The following AMTN variants were observed in gnomAD, a reference collection of about 807,000 sequenced individuals.
AMTN encodes RSTI689.
A neutral mutation model predicts 27.4 loss-of-function variants in AMTN; 29 were observed. That is an observed-to-expected ratio of 1.06 (90% CI 0.79 to 1.44). The LOEUF (loss-of-function observed/expected upper bound fraction) is 1.44, where lower values mean the gene tolerates loss of function less well. Among genes scored for constraint, AMTN ranks in the 40% most tolerant of loss-of-function variants. AMTN has a pLI of 0.00. For missense variants in AMTN, 247 were observed against 248.8 expected, an observed-to-expected ratio of 0.99 and a Z score of 0.05; for synonymous variants, 86 against 95.7, an observed-to-expected ratio of 0.90 and a Z score of 0.59.
intron 7 of AMTN, among the ~76,000 whole-genome samples, chr4:70,530,092 C>T (rs1736188782): frequency 6.6e-6 from 1 of 152,114 alleles, no homozygotes; most frequent in Admixed American, 6.5e-5. Flanking sequence ...TAATTTAGGC[C>T]TCAAAGGCAA....
At chr4:70,522,619 A>T in intron 2 of AMTN, 136 bp from the exon 3 acceptor site, 2 of 831,058 alleles carry the variant, frequency 2.4e-6, no homozygotes, top group Non-Finnish European at 4.1e-6. Context: ...ATAATGTTTC[A>T]GGGAATCAAA....
chr4:70,530,284 CACT>C (rs575605304), intron 7 of AMTN, among the ~76,000 whole-genome samples: 71 of 152,162 alleles, frequency 4.7e-4, no homozygotes, highest in African/African-American at 1.7e-3. Flanking sequence ...ATATAGAATG[CACT>C]ACTAGTCTAC....
intron 2 of AMTN, among the ~76,000 whole-genome samples, chr4:70,522,102 C>T (rs1350182098): frequency 6.6e-6 from 1 of 151,484 alleles, no homozygotes; most frequent in Non-Finnish European, 1.5e-5. Flanking sequence ...GTTTTTTTTT[C>T]GGAGACTAAG....
At chr4:70,525,226 T>C (rs991967728) in intron 5 of AMTN, among the ~76,000 whole-genome samples, 1 of 152,144 alleles carries the variant, frequency 6.6e-6, no homozygotes, top group African/African-American at 2.4e-5. Flanking sequence ...TTGGGGAAGA[T>C]TGAAAAGTGA....
intron 2 of AMTN, among the ~76,000 whole-genome samples, chr4:70,522,400 C>A (rs990961192): frequency 6.6e-6 from 1 of 152,050 alleles, no homozygotes; most frequent in Admixed American, 6.6e-5. Flanking sequence ...ACCTCAAGCC[C>A]TGAGAAAAAG....
Position 70,523,911 on chromosome 4 carries a change from C to T in AMTN, c.182C>T (p.Thr61Ile). 2 of 1,613,730 alleles carry T rather than the reference C, an allele frequency of 1.2e-6. No individual in the cohort carries two copies. The highest frequency in any genetic ancestry group is 1.7e-6 in the Non-Finnish European group (2 of 1,179,670). Residue 61 changes from threonine to isoleucine, a missense_variant, in exon 4 of 9, where the codon ACA becomes ATA. Physicochemically the swap from Thr to Ile is moderately conservative, Grantham distance 89. Transcript: ENST00000339336. ...LSLIPLTQML[T>I]LGPDLHLLNP... ...CTGATACCATTAACACAGATGCTCACACTGGGGCCAGATCTGCATCTGGTA... is the reference window on the plus strand; with the variant it reads ...CTGATACCATTAACACAGATGCTCATACTGGGGCCAGATCTGCATCTGGTA...
intron 2 of AMTN, among the ~76,000 whole-genome samples, chr4:70,521,224 C>CA (rs1264376795): frequency 6.6e-6 from 1 of 151,914 alleles, no homozygotes; most frequent in African/African-American, 2.4e-5. Flanking sequence ...ACTAAAAATA[C>CA]AAAAAATTAG....
intron 2 of AMTN, among the ~76,000 whole-genome samples, chr4:70,521,929 C>A (rs776655110): frequency 7.9e-5 from 12 of 152,094 alleles, no homozygotes; most frequent in Non-Finnish European, 1.6e-4. Flanking sequence ...CAGCCCCAAC[C>A]TCTCCTCATA....
chr4:70,529,119 T>G, intron 6 of AMTN, 65 bp from the exon 7 acceptor site: 1 of 1,325,428 alleles, frequency 7.5e-7, no homozygotes, highest in Non-Finnish European at 1.0e-6. Context: ...AGTGATATTA[T>G]ACATATATTA....
intron 2 of AMTN, among the ~76,000 whole-genome samples, chr4:70,520,713 T>C (rs573908469): frequency 1.3e-5 from 2 of 152,032 alleles, no homozygotes; most frequent in Non-Finnish European, 2.9e-5. Flanking sequence ...GGTTAGGAGA[T>C]AGTGAGCACT....
chr4:70,523,991 A>T (rs1426826444), intron 4 of AMTN, 58 bp downstream of exon 4: 7 of 1,424,826 alleles, frequency 4.9e-6, no homozygotes, highest in Non-Finnish European at 6.9e-6. Flanking sequence ...AATGCCTAAT[A>T]TTACAGTGGG....
intron 7 of AMTN, among the ~76,000 whole-genome samples, chr4:70,530,760 T>G (rs1019879912): frequency 1.3e-5 from 2 of 152,184 alleles, no homozygotes; most frequent in East Asian, 3.9e-4. Context: ...ATGCTCTTAT[T>G]TTTTGAAAAA....
Position 70,531,417 on chromosome 4 carries a change from C to T in AMTN, c.619+117C>T, listed in dbSNP as rs977991884. On this transcript the variant is annotated intron_variant, in intron 8 of 8. Transcript: ENST00000339336. Reference sequence around the variant, plus strand: ...CAGATCTTAGTAAGATTAGGAAGCCCCTTTACTCACTCACAGTTAACTCCA... The same window carrying T: ...CAGATCTTAGTAAGATTAGGAAGCCTCTTTACTCACTCACAGTTAACTCCA... 7 of 1,331,868 alleles carry T rather than the reference C, an allele frequency of 5.3e-6. No individual in the cohort carries two copies. In the African/African-American group the frequency reaches 8.8e-5, roughly 17 times the overall value. 82.5% of individuals were successfully genotyped at this position (1,331,868 alleles called of 1,614,324 possible). A position where few individuals can be genotyped will look rare whatever the true frequency, so the allele number is the denominator to read the frequency against.
At position 70,518,749 on chromosome 4, in the gene AMTN, T is replaced by C. The variant is rs1403995673; in HGVS notation, c.-15-14T>C. 1 of 1,542,902 alleles carries C rather than the reference T, an allele frequency of 6.5e-7. No individual in the cohort carries two copies. On this transcript the variant is annotated splice_polypyrimidine_tract_variant and intron_variant, in intron 1 of 8. Coordinates refer to ENST00000339336, the MANE Select transcript of AMTN (RefSeq NM_212557.4). ...AAAAATACATGGAAGAGTAACACTT[T>C]TTTGTTGTTGTAGGTAGCAATCTGA...
intron 6 of AMTN, 63 bp from the exon 7 acceptor site, chr4:70,529,121 C>CA (rs1419165928): frequency 1.1e-5 from 14 of 1,332,642 alleles, no homozygotes; most frequent in African/African-American, 1.5e-5. Context: ...TGATATTATA[C>CA]ATATATTACT....
At position 70,530,969 on chromosome 4, in the gene AMTN, G is replaced by C. The variant is rs1222224537; in HGVS notation, c.358-70G>C. 7.7e-6 allele frequency: 12 copies of C among 1,559,252 alleles called. No individual in the cohort carries two copies. The Admixed American group carries it at 2.2e-4, about 29-fold the overall frequency. ...CATCTTTCCATTCCTACCCAAACTT[G>C]CTCCCCTTAAAAGAGAAAAGAAAAT... On this transcript the variant is annotated intron_variant, in intron 7 of 8. Transcript: ENST00000339336.
chr4:70,528,652 A>G lies in AMTN; in HGVS notation c.295-71A>G, dbSNP rs186956636. 1,102 of 1,410,834 alleles carry G rather than the reference A, an allele frequency of 7.8e-4. 16 individuals are homozygous for G. The South Asian group carries it at 0.011, about 14-fold the overall frequency. 87.4% of individuals were successfully genotyped at this position (1,410,834 alleles called of 1,614,324 possible). A position where few individuals can be genotyped will look rare whatever the true frequency, so the allele number is the denominator to read the frequency against. On this transcript the variant is annotated intron_variant, in intron 5 of 8. Coordinates refer to ENST00000339336, the MANE Select transcript of AMTN (RefSeq NM_212557.4). ...GCAACAGAGCAAGACTCCATCTCCA[A>G]AAAAAGATATCAGTATTTATACCAT...
intron 7 of AMTN, among the ~76,000 whole-genome samples, chr4:70,530,796 A>C (rs1173907493): frequency 6.6e-6 from 1 of 152,158 alleles, no homozygotes; most frequent in East Asian, 1.9e-4. Flanking sequence ...GAAAGATTAC[A>C]TGTTAGGTTT....
chr4:70,528,663 C>T lies in AMTN; in HGVS notation c.295-60C>T, dbSNP rs372477045. On this transcript the variant is annotated intron_variant, in intron 5 of 8. Coordinates refer to ENST00000339336, the MANE Select transcript of AMTN (RefSeq NM_212557.4). ...AGACTCCATCTCCAAAAAAAGATAT[C>T]AGTATTTATACCATCTTCCAGAGCT... The T allele has an allele frequency of 3.2e-4, 466 of 1,448,286 alleles. 1 individual carries two copies. Among genetic ancestry groups the T allele is most frequent in the South Asian group, 5.1e-4 (44 of 85,778 alleles). The allele number at this position is 1,448,286 out of a possible 1,614,324, so 89.7% of individuals were successfully genotyped here. A position where few individuals can be genotyped will look rare whatever the true frequency, so the allele number is the denominator to read the frequency against.
Sources: allele counts gnomAD v4.1 joint callset (sites outside exome capture counted in the v4.1 genomes callset), GRCh38; gene constraint gnomAD v4.1.1; transcripts MANE v1.5; gene names NCBI Gene and HGNC (gene_info 2026-07-23, HGNC 2026-07-21).